Variants in SLC22A23 observed in about 807,000 individuals in gnomAD.
SLC22A23 encodes solute carrier family 22 member 23.
In SLC22A23, 26 loss-of-function variants were observed where a neutral mutation model predicts 61.0. The observed-to-expected ratio is 0.43, with a 90% CI of 0.31 to 0.59. SLC22A23 has a LOEUF of 0.59. SLC22A23 is among the 20% of genes least tolerant of loss of function. The pLI is 0.11. For missense variants in SLC22A23, 796 were observed against 934.7 expected, an observed-to-expected ratio of 0.85 and a Z score of 1.94; for synonymous variants, 430 against 413.9, an observed-to-expected ratio of 1.04 and a Z score of -0.47.
intron 3 of SLC22A23, among the ~76,000 whole-genome samples, chr6:3,347,031 T>G (rs1420823982): frequency 1.3e-5 from 2 of 152,154 alleles, no homozygotes; most frequent in Non-Finnish European, 2.9e-5. Context: ...TTAGTATATT[T>G]CCTCCCAATC....
chr6:3,368,812 C>T (rs13193394), intron 3 of SLC22A23, among the ~76,000 whole-genome samples: 51,499 of 151,864 alleles, frequency 0.34, 8,867 homozygotes, highest in Middle Eastern at 0.41. Flanking sequence ...GGCCAGGCAG[C>T]GGCGTCCTCT....
At position 3,297,280 on chromosome 6, in the gene SLC22A23, C is replaced by T. The variant is rs545193474; in HGVS notation, c.1210+811G>A. On this transcript the variant is annotated intron_variant, in intron 5 of 9. Transcript: ENST00000406686. This position sits in a 1 kb window ranked among gnomAD's most constrained non-coding sequence, Gnocchi z 4.3. ...GAAAATGAGCATATTCTCTCTTGGA[C>T]GATGGCCTGGAGGTTATTTTCCCAG... 5.3e-5 allele frequency among the ~76,000 whole-genome samples: 8 copies of T among 152,284 alleles called. No individual in the cohort carries two copies. The highest frequency in any genetic ancestry group is 1.0e-4 in the Non-Finnish European group (7 of 68,012).
At chr6:3,300,735 T>C (rs1166147350) in intron 4 of SLC22A23, among the ~76,000 whole-genome samples, 5 of 152,234 alleles carry the variant, frequency 3.3e-5, no homozygotes, top group Non-Finnish European at 7.3e-5. Context: ...CCTTCATACC[T>C]ATTTGAAAAA....
At chr6:3,313,198 A>C (rs1202539385) in intron 4 of SLC22A23, 1 of 152,222 alleles carries the variant, frequency 6.6e-6, no homozygotes, top group African/African-American at 2.4e-5. Flanking sequence ...AAATCCCAGA[A>C]TACCCACTTA....
chr6:3,393,755 C>T (rs1270373803), intron 3 of SLC22A23, among the ~76,000 whole-genome samples: 2 of 152,240 alleles, frequency 1.3e-5, no homozygotes, highest in East Asian at 3.8e-4. Context: ...AAGAGGGCAG[C>T]GGTCTGCATA....
intron 4 of SLC22A23, among the ~76,000 whole-genome samples, chr6:3,305,054 TG>T (rs1326517520): frequency 1.3e-5 from 2 of 152,048 alleles, no homozygotes; most frequent in Non-Finnish European, 2.9e-5. Context: ...CCATCTCCAC[TG>T]GGGGGTAGCA....
At chr6:3,362,419 A>AAAAAAAAAAAAAAAAAAAAAAAAAC in intron 3 of SLC22A23, among the ~76,000 whole-genome samples, 1 of 56,418 alleles carries the variant, frequency 1.8e-5, no homozygotes, top group South Asian at 8.1e-4. Context: ...AAAAAAAATA[A>AAAAAAAAAAAAAAAAAAAAAAAAAC]AATAAAAAAT....
rs141468967 is a variant in SLC22A23, at chr6:3,289,834, T to C, written c.1243A>G (p.Lys415Glu). Residue 415 changes from lysine to glutamate, a missense_variant, in exon 6 of 10, where the codon AAG (lysine) becomes GAG (glutamate). Physicochemically the swap from Lys to Glu is moderately conservative, Grantham distance 56 (BLOSUM62 1). Transcript: ENST00000406686. Reference sequence around the variant, plus strand: ...CCCACCACCTTCACGATGCAGACCTTCTTGGGCCTCCGGGAAAGCTCTTTC... The same window carrying C: ...CCCACCACCTTCACGATGCAGACCTCCTTGGGCCTCCGGGAAAGCTCTTTC... ...LEKELSRRPK[K>E]VCIVKVVGTR... 1.8e-5 allele frequency: 29 copies of C among 1,613,862 alleles called. No individual in the cohort carries two copies. The highest frequency in any genetic ancestry group is 6.6e-5 in the South Asian group (6 of 91,080).
At chr6:3,415,043 C>G in intron 2 of SLC22A23, among the ~76,000 whole-genome samples, 1 of 152,192 alleles carries the variant, frequency 6.6e-6, no homozygotes, top group Admixed American at 6.5e-5. Flanking sequence ...CTGTAAAACA[C>G]AGGTAATAAT....
chr6:3,289,904 G>A (rs757039189), intron 5 of SLC22A23, 38 bp from the exon 6 acceptor site: 24 of 1,560,500 alleles, frequency 1.5e-5, no homozygotes, highest in Non-Finnish European at 1.8e-5. Context: ...TGGGCAGGCC[G>A]CCCACAGAGG....
intron 4 of SLC22A23, among the ~76,000 whole-genome samples, chr6:3,301,052 T>C (rs1263071967): frequency 6.6e-6 from 1 of 152,184 alleles, no homozygotes; most frequent in African/African-American, 2.4e-5. Context: ...AAAATTAATT[T>C]TGAATAACAT....
chr6:3,389,811 G>A (rs1016520804), intron 3 of SLC22A23, among the ~76,000 whole-genome samples: 19 of 152,228 alleles, frequency 1.2e-4, no homozygotes, highest in African/African-American at 4.6e-4. Context: ...GAGCTGGTAC[G>A]TGCATTTCAG....
At chr6:3,336,362 T>TC (rs1355337922) in intron 3 of SLC22A23, among the ~76,000 whole-genome samples, 1 of 152,184 alleles carries the variant, frequency 6.6e-6, no homozygotes, top group Non-Finnish European at 1.5e-5. Flanking sequence ...AAAGAGTTCT[T>TC]CCCTTTAATC....
In SLC22A23 at chr6:3,386,694, C is replaced by T. The variant is rs1251720650; in HGVS notation, c.913+23494G>A. Among the ~76,000 whole-genome samples the T allele has an allele frequency of 7.2e-5, 11 of 152,318 alleles. No individual in the cohort carries two copies. Among genetic ancestry groups the T allele is most frequent in the African/African-American group, 2.6e-4 (11 of 41,566 alleles). On this transcript the variant is annotated intron_variant, in intron 3 of 9. Coordinates refer to ENST00000406686, the MANE Select transcript of SLC22A23 (RefSeq NM_015482.2). The surrounding 1 kb of genome is among the most constrained non-coding windows in gnomAD (Gnocchi z 4.4). The stretch of plus-strand genomic sequence containing the variant: ...ATGAAAAGAGTGAATCCAGGACTGC[C>T]GGGGACCTGCCCCAGGGTCACCCAG...
chr6:3,432,757 T>C (rs113095230), intron 1 of SLC22A23, among the ~76,000 whole-genome samples: 46 of 152,312 alleles, frequency 3.0e-4, no homozygotes, highest in African/African-American at 1.1e-3. Flanking sequence ...GAACTTTTCA[T>C]ATGTTTAAAT....
intron 3 of SLC22A23, among the ~76,000 whole-genome samples, chr6:3,365,703 G>T (rs1166559993): frequency 1.3e-5 from 2 of 151,996 alleles, no homozygotes; most frequent in African/African-American, 2.4e-5. Flanking sequence ...TTTTTCTGTT[G>T]TTCCTATAGA....
intron 3 of SLC22A23, among the ~76,000 whole-genome samples, chr6:3,408,969 T>C (rs947808908): frequency 1.3e-5 from 2 of 152,214 alleles, no homozygotes; most frequent in Admixed American, 1.3e-4. Context: ...CTTAGACCTG[T>C]TCCTCTGCAC....
At position 3,318,443 on chromosome 6, in the gene SLC22A23, C is replaced by T. The variant is rs989137258; in HGVS notation, c.1082+5391G>A. On this transcript the variant is annotated intron_variant, in intron 4 of 9. Coordinates refer to ENST00000406686, the MANE Select transcript of SLC22A23 (RefSeq NM_015482.2). This position sits in a 1 kb window ranked among gnomAD's most constrained non-coding sequence, Gnocchi z 4.3. ...ACACCTAGGGACAGCCCTATGCCCA[C>T]GCGCTGCAGAAATGATCAAACTGCC... Among the ~76,000 whole-genome samples the T allele has an allele frequency of 3.3e-5, 5 of 152,152 alleles. No individual in the cohort carries two copies. The highest frequency in any genetic ancestry group is 7.3e-5 in the Non-Finnish European group (5 of 68,036).
intron 1 of SLC22A23, among the ~76,000 whole-genome samples, chr6:3,445,789 TAATA>T (rs1771865329): frequency 6.6e-6 from 1 of 151,888 alleles, no homozygotes; most frequent in African/African-American, 2.4e-5. Context: ...TGGGAACTAT[TAATA>T]TATACAAGAT....
Sources: gnomAD v4.1 joint callset for allele counts (sites outside exome capture counted in the v4.1 genomes callset) on GRCh38, gnomAD v4.1.1 for gene constraint, Gnocchi (gnomAD v3.1) non-coding constraint, MANE v1.5 for transcripts, NCBI Gene and HGNC (gene_info 2026-07-23, HGNC 2026-07-21) for gene names.